GPER1: variants seen among roughly 807,000 people sequenced by gnomAD.
GPER1 encodes the protein G protein-coupled receptor 30.
In GPER1, 2 loss-of-function variants were observed where a neutral mutation model predicts 0.6. That is an observed-to-expected ratio of 3.41 (90% CI 1.39 to 10.72). The LOEUF (loss-of-function observed/expected upper bound fraction) is 10.72. Among genes scored for constraint, GPER1 ranks in the 30% most tolerant of loss-of-function variants. The pLI, the probability that GPER1 is intolerant of heterozygous loss-of-function variation, is 0.04. For synonymous variants in GPER1, 263 were observed against 247.6 expected, an observed-to-expected ratio of 1.06 and a Z score of -0.58; for missense variants, 441 against 535.2, an observed-to-expected ratio of 0.82 and a Z score of 1.74.
rs952842968 is a variant in GPER1 at position 1,092,551 on chromosome 7, G to A, written c.823G>A (p.Glu275Lys). 3 of 1,609,602 alleles carry A rather than the reference G, an allele frequency of 1.9e-6. No individual in the cohort carries two copies. The highest frequency in any genetic ancestry group is 1.7e-5 in the Admixed American group (1 of 60,008). The change falls in exon 2 of 2, where the codon GAG becomes AAG. Residue 275 changes from glutamate to lysine, a missense_variant. Physicochemically the swap from Glu to Lys is moderately conservative, Grantham distance 56. Coordinates refer to ENST00000397088, the MANE Select transcript of GPER1 (RefSeq NM_001098201.3). ...GGTCTTCTTCGTCTGCTGGCTGCCG[G>A]AGAACGTCTTCATCAGCGTGCACCT... is the stretch of plus-strand genomic sequence containing the variant. The part of the protein sequence containing the change: ...VLVFFVCWLP[E>K]NVFISVHLLQ...
chr7:1,089,662 A>G (rs923868987), intron 1 of GPER1, among the ~76,000 whole-genome samples: 1 of 149,208 alleles, frequency 6.7e-6, no homozygotes, highest in Non-Finnish European at 1.5e-5. Flanking sequence ...AACTTGAGCA[A>G]TCCTCCCACC....
In GPER1 at chr7:1,093,328, G is replaced by A. The variant is rs1788219991; in HGVS notation, c.*472G>A. ...GCAAGGTGCTGGTGGGTCTGAGCTG[G>A]ACGTCGCGGTGTGTCCTCTGTGCCC... On this transcript the variant is annotated 3_prime_UTR_variant, in exon 2 of 2. Transcript: ENST00000397088. The A allele has an allele frequency of 1.2e-5, 5 of 423,298 alleles. 1 individual carries two copies. The highest frequency in any genetic ancestry group is 9.0e-5 in the South Asian group (5 of 55,748). The allele number at this position is 423,298 out of a possible 1,614,324, so 26.2% of individuals were successfully genotyped here.
At chr7:1,087,169 G>C (rs187337613), upstream of GPER1, 2 of 152,278 alleles carry the variant, frequency 1.3e-5, no homozygotes, top group Admixed American at 6.5e-5. Context: ...CCGCCTGCAC[G>C]AGACTGTGAA....
chr7:1,087,135 A>C (rs1027865379), upstream of GPER1: 4 of 152,206 alleles, frequency 2.6e-5, no homozygotes, highest in Non-Finnish European at 5.9e-5. Context: ...CGGCCCCGAG[A>C]GTCCGGGGAG....
At position 1,092,673 on chromosome 7, in the gene GPER1, CA is replaced by C; in HGVS notation, c.947del (p.Asn316ThrfsTer4). On this transcript the variant is annotated frameshift_variant, in exon 2 of 2. Coordinates refer to ENST00000397088, the MANE Select transcript of GPER1 (RefSeq NM_001098201.3). LOFTEE classifies it high-confidence loss of function. Reference sequence around the variant, plus strand: ...ACATTGTCAACCTCGCCGCCTTCTCCAACAGCTGCCTAAACCCCCTCATCTA... The same window carrying C: ...ACATTGTCAACCTCGCCGCCTTCTCCACAGCTGCCTAAACCCCCTCATCTA... ...GHIVNLAAFS[N>X]SCLNPLIYSF... The C allele has an allele frequency of 1.2e-6, 2 of 1,613,360 alleles. No homozygotes were observed. Among genetic ancestry groups the C allele is most frequent in the Non-Finnish European group, 1.7e-6 (2 of 1,180,012 alleles).
chr7:1,088,255 G>C lies in GPER1; in HGVS notation c.-389G>C, dbSNP rs763887737. On this transcript the variant is annotated 5_prime_UTR_variant, in exon 1 of 2. Coordinates refer to ENST00000397088, the MANE Select transcript of GPER1 (RefSeq NM_001098201.3). The surrounding 1 kb of genome is among the most constrained non-coding windows in gnomAD (Gnocchi z 4.5). ...GTACACCTCCTGCAGCGGGTTCCAA[G>C]TGCACCTCCAGCCTGATGGGCCTGA... The C allele has an allele frequency of 2.6e-5, 4 of 152,352 alleles. No homozygotes were observed. Among genetic ancestry groups the C allele is most frequent in the African/African-American group, 4.8e-5 (2 of 41,472 alleles). 9.4% of individuals were successfully genotyped at this position (152,352 alleles called of 1,614,324 possible). A position where few individuals can be genotyped will look rare whatever the true frequency, so the allele number is the denominator to read the frequency against.
chr7:1,091,944 C>A lies in GPER1; in HGVS notation c.216C>A (p.Ile72=), dbSNP rs753563915. 1.9e-6 allele frequency: 3 copies of A among 1,614,066 alleles called. No homozygotes were observed. The East Asian group carries it at 6.7e-5, about 36-fold the overall frequency. ...TCTACACCATCTTCCTCTTCCCCATCGGCTTTGTGGGCAACATCCTGATCC... is the reference window on the plus strand; with the variant it reads ...TCTACACCATCTTCCTCTTCCCCATAGGCTTTGTGGGCAACATCCTGATCC... The part of the protein sequence containing the change: ...SCLYTIFLFP[I]GFVGNILILV... The change falls in exon 2 of 2, where the codon ATC becomes ATA. Residue 72 remains isoleucine, a synonymous_variant. Coordinates refer to ENST00000397088, the MANE Select transcript of GPER1 (RefSeq NM_001098201.3).
rs1208589820 is a variant in GPER1 at position 1,091,635 on chromosome 7, GA to G, written c.-93del. Reference sequence around the variant, plus strand: ...TGACAAATGCCAGGCTCACTTCAAGGAGAATCACGCTTCTTTCTAAAGATGG... The same window carrying G: ...TGACAAATGCCAGGCTCACTTCAAGGGAATCACGCTTCTTTCTAAAGATGG... On this transcript the variant is annotated 5_prime_UTR_variant, in exon 2 of 2. The change creates a premature stop within an existing upstream ORF in the 5' untranslated region. Transcript: ENST00000397088. 6 of 971,598 alleles carry G rather than the reference GA, an allele frequency of 6.2e-6. No individual in the cohort carries two copies. The East Asian group carries it at 1.5e-4, about 24-fold the overall frequency. The allele number at this position is 971,598 out of a possible 1,614,324, so 60.2% of individuals were successfully genotyped here.
Position 1,093,035 on chromosome 7 carries a change from C to G in GPER1, c.*179C>G, listed in dbSNP as rs4266553. 0.11 allele frequency: 77,740 copies of G among 720,544 alleles called. 4,595 individuals carry two copies. Among genetic ancestry groups the G allele is most frequent in the South Asian group, 0.13 (8,693 of 66,888 alleles). 44.6% of individuals were successfully genotyped at this position (720,544 alleles called of 1,614,324 possible). On this transcript the variant is annotated 3_prime_UTR_variant, in exon 2 of 2. Transcript: ENST00000397088. ...CCCTGGGGCTGCTTAGGAAACCTCA[C>G]GACTGGTCACCTTGCACTCCTCACA...
In GPER1 at chr7:1,092,222, G is replaced by A. The variant is rs754995478; in HGVS notation, c.494G>A (p.Cys165Tyr). 1.9e-6 allele frequency: 3 copies of A among 1,612,846 alleles called. No homozygotes were observed. Among genetic ancestry groups the A allele is most frequent in the South Asian group, 1.1e-5 (1 of 91,088 alleles). ...ATCGCCCTGGCCAGGGCCATGCGCT[G>A]CAGCCTGTTCCGCACCAAGCACCAC... ...RYIALARAMR[C>Y]SLFRTKHHAR... Residue 165 changes from cysteine to tyrosine, a missense_variant, in exon 2 of 2, where the codon TGC becomes TAC. Cys to Tyr is a radical substitution (Grantham distance 194). Coordinates refer to ENST00000397088, the MANE Select transcript of GPER1 (RefSeq NM_001098201.3).
chr7:1,092,164 T>G lies in GPER1; in HGVS notation c.436T>G (p.Phe146Val). The part of the protein sequence containing the change: ...FLQVNMYSSV[F>V]FLTWMSFDRY... ...GCAGGTCAACATGTACAGCAGCGTC[T>G]TCTTCCTCACCTGGATGAGCTTCGA... Residue 146 changes from phenylalanine (F) to valine (V), a missense_variant, in exon 2 of 2, where the codon TTC (phenylalanine) becomes GTC (valine). Phe to Val is a conservative substitution (Grantham distance 50). Transcript: ENST00000397088. The G allele has an allele frequency of 6.2e-7, 1 of 1,613,510 alleles. No individual in the cohort carries two copies. Among genetic ancestry groups the G allele is most frequent in the Non-Finnish European group, 8.5e-7 (1 of 1,180,020 alleles).
chr7:1,087,268 G>A (rs1293373165), upstream of GPER1: 2 of 152,238 alleles, frequency 1.3e-5, no homozygotes, highest in African/African-American at 4.8e-5. Context: ...CTTCTGCAGC[G>A]AGCGCGGGAG....
chr7:1,091,806 C>A lies in GPER1; in HGVS notation c.78C>A (p.Thr26=). Residue 26 remains threonine (T), a synonymous_variant, in exon 2 of 2, where the codon ACC becomes ACA. Transcript: ENST00000397088. ...CCGCGCAGCCTGCGGCCCCCAACAC[C>A]ACCTCCCCCGAGCTCAACCTGTCCC... ...PGTAQPAAPN[T]TSPELNLSHP... 4 of 1,593,040 alleles carry A rather than the reference C, an allele frequency of 2.5e-6. No individual in the cohort carries two copies. The highest frequency in any genetic ancestry group is 3.4e-6 in the Non-Finnish European group (4 of 1,166,748).
In GPER1 at chr7:1,092,313, C is replaced by T. The variant is rs780000717; in HGVS notation, c.585C>T (p.Ala195=). ...SVSATLVPFT[A]VHLQHTDEAC... is the part of the protein sequence containing the mutation. ...CAGCCACGCTGGTGCCCTTCACCGCCGTGCACCTGCAGCACACCGACGAGG... is the reference window on the plus strand; with the variant it reads ...CAGCCACGCTGGTGCCCTTCACCGCTGTGCACCTGCAGCACACCGACGAGG... Residue 195 remains alanine, a synonymous_variant, in exon 2 of 2, where the codon GCC becomes GCT. Coordinates refer to ENST00000397088, the MANE Select transcript of GPER1 (RefSeq NM_001098201.3). 17 of 1,611,626 alleles carry T rather than the reference C, an allele frequency of 1.1e-5. No homozygotes were observed. Among genetic ancestry groups the T allele is most frequent in the Middle Eastern group, 1.6e-4 (1 of 6,082 alleles).
chr7:1,091,596 G>C lies in GPER1; in HGVS notation c.-133G>C. ...CAAACCACCACAGGTGCTCCTCCTG[G>C]GGAGTTTCCTGTCTGACAAATGCCA... is the stretch of plus-strand genomic sequence containing the variant. On this transcript the variant is annotated 5_prime_UTR_variant, in exon 2 of 2. Transcript: ENST00000397088. The C allele has an allele frequency of 1.3e-6, 1 of 746,024 alleles. No homozygotes were observed. The highest frequency in any genetic ancestry group is 2.3e-6 in the Non-Finnish European group (1 of 441,540). The allele number at this position is 746,024 out of a possible 1,614,324, so 46.2% of individuals were successfully genotyped here.
chr7:1,089,241 AAAGATGAATC>A (rs1235768972), intron 1 of GPER1, among the ~76,000 whole-genome samples: 4 of 152,224 alleles, frequency 2.6e-5, no homozygotes, highest in African/African-American at 9.6e-5. Context: ...ATTATCTACT[AAAGATGAATC>A]AAGAGTGCAA....
rs1232853593 is a variant in GPER1 at position 1,092,839 on chromosome 7, T to A, written c.1111T>A (p.Phe371Ile). The A allele has an allele frequency of 6.2e-7, 1 of 1,612,544 alleles. No individual in the cohort carries two copies. The change falls in exon 2 of 2, where the codon TTC (phenylalanine) becomes ATC (isoleucine). Residue 371 changes from phenylalanine to isoleucine, a missense_variant. Transcript: ENST00000397088. ...PDSTEQSDVR[F>I]SSAV is the part of the protein sequence containing the mutation. The stretch of plus-strand genomic sequence containing the variant: ...CAGCACCGAGCAGTCGGATGTGAGG[T>A]TCAGCAGTGCCGTGTAGACAGCCTT...
rs1477958910 is a variant in GPER1 at position 1,091,920 on chromosome 7, C to T, written c.192C>T (p.Leu64=). 6 of 1,613,952 alleles carry T rather than the reference C, an allele frequency of 3.7e-6. No individual in the cohort carries two copies. The African/African-American group carries it at 8.0e-5, about 22-fold the overall frequency. ...TGATCGGCCTGTTCCTCTCGTGCCT[C>T]TACACCATCTTCCTCTTCCCCATCG... is the stretch of plus-strand genomic sequence containing the variant. The part of the protein sequence containing the change: ...QYVIGLFLSC[L]YTIFLFPIGF... The change falls in exon 2 of 2, where the codon CTC becomes CTT. Residue 64 remains leucine, a synonymous_variant. Coordinates refer to ENST00000397088, the MANE Select transcript of GPER1 (RefSeq NM_001098201.3).
chr7:1,090,466 G>T (rs561315124), intron 1 of GPER1, among the ~76,000 whole-genome samples: 1 of 152,256 alleles, frequency 6.6e-6, no homozygotes, highest in Admixed American at 6.5e-5. Flanking sequence ...CAGGGCCAGG[G>T]TGACACGGGG....
Sources: gnomAD v4.1 joint callset for allele counts (sites outside exome capture counted in the v4.1 genomes callset) on GRCh38, gnomAD v4.1.1 for gene constraint, Gnocchi (gnomAD v3.1) non-coding constraint, MANE v1.5 for transcripts, NCBI Gene and HGNC (gene_info 2026-07-23, HGNC 2026-07-21) for gene names.